BNC2: variants seen among roughly 807,000 people sequenced by gnomAD.
BNC2 encodes the protein zinc finger protein basonuclin-2.
BNC2 carries 20 observed loss-of-function variants against 76.3 expected under a neutral mutation model. That is an observed-to-expected ratio of 0.26 (90% CI 0.18 to 0.38). BNC2 has a LOEUF of 0.38. Ranked by LOEUF, BNC2 falls within the 10% of genes least tolerant of loss-of-function variation. BNC2 has a pLI of 1.00. For synonymous variants in BNC2, 582 were observed against 514.8 expected (o/e 1.13, Z -1.77); for missense variants, 1,382 against 1,399.8 (o/e 0.99, Z 0.20).
chr9:16,706,646 T>C (rs953290325), intron 3 of BNC2, among the ~76,000 whole-genome samples: 13 of 152,242 alleles, frequency 8.5e-5, no homozygotes, highest in Non-Finnish European at 1.6e-4. Flanking sequence ...TCTTAAGCCC[T>C]AGTTAAAAGA....
intron 1 of BNC2, among the ~76,000 whole-genome samples, chr9:16,747,941 C>A (rs577001860): frequency 2.0e-4 from 31 of 152,226 alleles, no homozygotes; most frequent in African/African-American, 7.2e-4. Context: ...TTGCCTTCTT[C>A]CCAGTTCTAG....
At chr9:16,681,329 G>T (rs564355202) in intron 3 of BNC2, among the ~76,000 whole-genome samples, 43 of 152,124 alleles carry the variant, frequency 2.8e-4, no homozygotes, top group African/African-American at 5.6e-4. Context: ...ACATTTTATC[G>T]GAGGGGAAAA....
Position 16,855,373 on chromosome 9 carries a change from C to G in BNC2, c.3+15273G>C, listed in dbSNP as rs559459363. Among the ~76,000 whole-genome samples the G allele has an allele frequency of 3.3e-5, 5 of 152,228 alleles. No homozygotes were observed. In the South Asian group the frequency reaches 1.0e-3, roughly 32 times the overall value. On this transcript the variant is annotated intron_variant, in intron 1 of 6. Coordinates refer to ENST00000380672, the MANE Select transcript of BNC2 (RefSeq NM_017637.6). ...TACTTCATCTGTAATACCTATGGCA[C>G]CTAATAGAGTATCACATACATCATA...
chr9:16,858,248 C>G (rs1819310824), intron 1 of BNC2, among the ~76,000 whole-genome samples: 1 of 152,168 alleles, frequency 6.6e-6, no homozygotes, highest in African/African-American at 2.4e-5. Flanking sequence ...TTCCACCCTT[C>G]AGGGCATGAA....
chr9:16,796,714 C>T (rs1055143270), intron 1 of BNC2, among the ~76,000 whole-genome samples: 2 of 151,992 alleles, frequency 1.3e-5, no homozygotes, highest in Admixed American at 6.6e-5. Flanking sequence ...CCATAGAATT[C>T]CTGCTGTTTC....
In BNC2 at chr9:16,418,697, CATGTGTGTGTG is replaced by C. The variant is rs1563773836; in HGVS notation, c.*281_*291del. 6 of 323,158 alleles carry C rather than the reference CATGTGTGTGTG, an allele frequency of 1.9e-5. No homozygotes were observed. The highest frequency in any genetic ancestry group is 3.4e-5 in the Non-Finnish European group (6 of 175,234). The allele number at this position is 323,158 out of a possible 1,614,324, so 20.0% of individuals were successfully genotyped here. A position where few individuals can be genotyped will look rare whatever the true frequency, so the allele number is the denominator to read the frequency against. ...GTGTGTGTGTGTGTGTGTGTATGTG[CATGTGTGTGTG>C]TGTGTGTTTAAAGGGGTACTCTGTT... On this transcript the variant is annotated 3_prime_UTR_variant, in exon 7 of 7. Coordinates refer to ENST00000380672, the MANE Select transcript of BNC2 (RefSeq NM_017637.6).
intron 3 of BNC2, among the ~76,000 whole-genome samples, chr9:16,595,867 T>C (rs190318892): frequency 6.6e-6 from 1 of 152,000 alleles, no homozygotes; most frequent in Admixed American, 6.6e-5. Flanking sequence ...CTCTTGAAAA[T>C]TAAGAAATAA....
intron 5 of BNC2, among the ~76,000 whole-genome samples, chr9:16,540,156 ATTTTTTTTT>A (rs36075261): frequency 3.4e-5 from 4 of 118,474 alleles, no homozygotes; most frequent in African/African-American, 6.3e-5. Context: ...ATTTAACGTG[ATTTTTTTTT>A]TTTTTTTTTT....
At chr9:16,692,868 G>T (rs549654515) in intron 3 of BNC2, among the ~76,000 whole-genome samples, 1 of 152,116 alleles carries the variant, frequency 6.6e-6, no homozygotes, top group South Asian at 2.1e-4. Context: ...CGTGGCTCAT[G>T]CCTGTAATTC....
At chr9:16,786,138 G>A (rs941361406) in intron 1 of BNC2, among the ~76,000 whole-genome samples, 1 of 152,164 alleles carries the variant, frequency 6.6e-6, no homozygotes, top group African/African-American at 2.4e-5. Flanking sequence ...ACTCTTCTAA[G>A]AATCTCATTT....
At chr9:16,686,219 G>C (rs1442222536) in intron 3 of BNC2, among the ~76,000 whole-genome samples, 1 of 151,954 alleles carries the variant, frequency 6.6e-6, no homozygotes, top group African/African-American at 2.4e-5. Context: ...TAAAAACCTT[G>C]TTTTATGTAT....
At chr9:16,536,524 T>TC (rs1818135687) in intron 5 of BNC2, among the ~76,000 whole-genome samples, 2 of 152,278 alleles carry the variant, frequency 1.3e-5, no homozygotes, top group South Asian at 4.1e-4. Flanking sequence ...TTTATTTTTT[T>TC]CCCTTTCTTT....
chr9:16,542,744 C>A (rs7028862), intron 5 of BNC2, among the ~76,000 whole-genome samples: 4,902 of 152,276 alleles, frequency 0.032, 268 homozygotes, highest in African/African-American at 0.11. Flanking sequence ...TTTTACACTT[C>A]CGTCAGCATT....
At chr9:16,679,923 G>A (rs1365521231) in intron 3 of BNC2, among the ~76,000 whole-genome samples, 3 of 152,226 alleles carry the variant, frequency 2.0e-5, no homozygotes, top group East Asian at 1.9e-4. Context: ...TCAGTCCTCA[G>A]GGAAAGTCAG....
chr9:16,718,408 T>C (rs1824052822), intron 3 of BNC2, among the ~76,000 whole-genome samples: 1 of 152,204 alleles, frequency 6.6e-6, no homozygotes, highest in South Asian at 2.1e-4. Flanking sequence ...TATTTAGTCA[T>C]GATAGGACTG....
At chr9:16,551,452 C>T (rs1204692155) in intron 5 of BNC2, among the ~76,000 whole-genome samples, 2 of 152,206 alleles carry the variant, frequency 1.3e-5, no homozygotes, top group Admixed American at 6.5e-5. Context: ...GCAGCTAATG[C>T]CCTTCATGTA....
chr9:16,818,175 T>G (rs1586908227), intron 1 of BNC2, among the ~76,000 whole-genome samples: 1 of 151,750 alleles, frequency 6.6e-6, no homozygotes, highest in Non-Finnish European at 1.5e-5. Flanking sequence ...GAGGCGGAGG[T>G]GGGCAGATCA....
At chr9:16,470,396 C>T (rs1167819231) in intron 5 of BNC2, among the ~76,000 whole-genome samples, 1 of 152,214 alleles carries the variant, frequency 6.6e-6, no homozygotes, top group East Asian at 1.9e-4. Flanking sequence ...GGGAGAACTT[C>T]AAGCCAGATG....
At chr9:16,601,703 T>C (rs1482733976) in intron 3 of BNC2, among the ~76,000 whole-genome samples, 2 of 78 alleles carry the variant, frequency 0.026, no homozygotes, top group African/African-American at 0.038. Context: ...TTTAAATGGA[T>C]GCAGGAGAAA....
Sources: gnomAD v4.1 joint callset for allele counts (sites outside exome capture counted in the v4.1 genomes callset) on GRCh38, gnomAD v4.1.1 for gene constraint, MANE v1.5 for transcripts, NCBI Gene and HGNC (gene_info 2026-07-23, HGNC 2026-07-21) for gene names.